PDE1B: variants seen among roughly 807,000 people sequenced by gnomAD.
PDE1B encodes the protein phosphodiesterase 1B.
In PDE1B, 13 loss-of-function variants were observed where a neutral mutation model predicts 66.7. That is an observed-to-expected ratio of 0.19 (90% CI 0.13 to 0.31). PDE1B has a LOEUF of 0.31. PDE1B is among the 10% of genes least tolerant of loss of function. PDE1B has a pLI of 1.00. For synonymous variants in PDE1B, 230 were observed against 253.9 expected (o/e 0.91, Z 0.90); for missense variants, 485 against 682.3 (o/e 0.71, Z 3.22).
intron 6 of PDE1B, chr12:54,571,876 C>T (rs1367081374): frequency 1.3e-5 from 2 of 152,246 alleles, no homozygotes; most frequent in Non-Finnish European, 2.9e-5. Flanking sequence ...TATTGCTCAT[C>T]TCTACAGAAA....
rs752780568 is a variant in PDE1B at position 54,575,078 on chromosome 12, T to C, written c.1065-20T>C. On this transcript the variant is annotated intron_variant, in intron 10 of 15. Coordinates refer to ENST00000243052, the MANE Select transcript of PDE1B (RefSeq NM_000924.4). This position sits in a 1 kb window ranked among gnomAD's most constrained non-coding sequence, Gnocchi z 4.0. ...TCCTAAAAGATCAGTCTCCCTTCCC[T>C]TGCCATCTGCCCCAACCAGGATTGA... The C allele has an allele frequency of 1.9e-6, 3 of 1,611,022 alleles. No individual in the cohort carries two copies. The highest frequency in any genetic ancestry group is 1.1e-5 in the South Asian group (1 of 90,890).
chr12:54,560,572 A>C (rs1874308), intron 2 of PDE1B, among the ~76,000 whole-genome samples: 9 of 151,930 alleles, frequency 5.9e-5, no homozygotes, highest in South Asian at 4.1e-4. Flanking sequence ...ATTGGTGGCG[A>C]CATCTCCCAG....
In PDE1B at chr12:54,549,888, C is replaced by A; in HGVS notation, c.16C>A (p.Arg6Ser). The change falls in exon 2 of 16, where the codon CGC becomes AGC. Residue 6 changes from arginine (R) to serine (S), a missense_variant. Coordinates refer to ENST00000243052, the MANE Select transcript of PDE1B (RefSeq NM_000924.4). ...GTGGCTGAGCATGGAGCTGTCCCCCCGCAGTCCTCCGGAGATGCTGGAGGA... is the reference window on the plus strand; with the variant it reads ...GTGGCTGAGCATGGAGCTGTCCCCCAGCAGTCCTCCGGAGATGCTGGAGGA... The part of the protein sequence containing the change: MELSP[R>S]SPPEMLEESD... 1.9e-6 allele frequency: 3 copies of A among 1,613,712 alleles called. No individual in the cohort carries two copies. The highest frequency in any genetic ancestry group is 2.5e-6 in the Non-Finnish European group (3 of 1,179,660).
chr12:54,577,703 C>A (rs1314993511), intron 15 of PDE1B, among the ~76,000 whole-genome samples, 157 bp from the exon 16 acceptor site: 1 of 152,216 alleles, frequency 6.6e-6, no homozygotes, highest in Admixed American at 6.5e-5. Flanking sequence ...ACTTCGACTT[C>A]AGCCCCTATT....
intron 15 of PDE1B, 104 bp from the exon 16 acceptor site, chr12:54,577,756 C>T (rs1957789260): frequency 2.1e-6 from 1 of 487,588 alleles, no homozygotes. Flanking sequence ...ATTTTTTGCA[C>T]AGCTCTACTC....
In PDE1B at chr12:54,573,271, G is replaced by C; in HGVS notation, c.836+23G>C. 1 of 1,612,510 alleles carries C rather than the reference G, an allele frequency of 6.2e-7. No homozygotes were observed. The highest frequency in any genetic ancestry group is 8.5e-7 in the Non-Finnish European group (1 of 1,178,528). ...CAAGTGAGGGGTGGGGATGTGGCAG[G>C]GGCAGGAGGGGCCAAGAGGAGGTGG... On this transcript the variant is annotated intron_variant, in intron 8 of 15. Transcript: ENST00000243052. This position sits in a 1 kb window ranked among gnomAD's most constrained non-coding sequence, Gnocchi z 5.2.
At chr12:54,553,145 G>A (rs911215143) in intron 2 of PDE1B, among the ~76,000 whole-genome samples, 1 of 140,470 alleles carries the variant, frequency 7.1e-6, no homozygotes. Flanking sequence ...AGAGGCAGGG[G>A]GCTCTGTATT....
rs552584435 is a variant in PDE1B, at chr12:54,575,825, A to C, written c.1268-167A>C. ...GCAGGAAGGAGCTCTCTGGGGCACC[A>C]AGACATCATCCCAAAGCCTGCCCTG... On this transcript the variant is annotated intron_variant, in intron 12 of 15. Coordinates refer to ENST00000243052, the MANE Select transcript of PDE1B (RefSeq NM_000924.4). The surrounding 1 kb of genome is among the most constrained non-coding windows in gnomAD (Gnocchi z 4.0). The C allele has an allele frequency of 1.2e-4, 85 of 727,520 alleles. No individual in the cohort carries two copies. Among genetic ancestry groups the C allele is most frequent in the African/African-American group, 1.0e-3 (59 of 58,006 alleles). The allele number at this position is 727,520 out of a possible 1,614,324, so 45.1% of individuals were successfully genotyped here.
At chr12:54,577,649 G>T in intron 15 of PDE1B, 1 of 1,234,256 alleles carries the variant, frequency 8.1e-7, no homozygotes, top group East Asian at 2.5e-5. Context: ...TAGGGAAAAG[G>T]AGCCCAGCCA....
intron 2 of PDE1B, among the ~76,000 whole-genome samples, chr12:54,550,889 G>A (rs1957268497): frequency 6.6e-6 from 1 of 152,170 alleles, no homozygotes; most frequent in African/African-American, 2.4e-5. Context: ...AGAGGATTGG[G>A]TCAAAGACAA....
intron 2 of PDE1B, chr12:54,561,582 C>T (rs1481246384): frequency 1.3e-6 from 2 of 1,525,360 alleles, no homozygotes; most frequent in African/African-American, 1.4e-5. Context: ...AACTTTGATT[C>T]CCATGGCAAA....
chr12:54,576,904 TAGAG>T, intron 14 of PDE1B: 1 of 623,408 alleles, frequency 1.6e-6, no homozygotes, highest in Non-Finnish European at 2.8e-6. Flanking sequence ...GTAGAGATGA[TAGAG>T]ACAGTCAGAT....
Position 54,575,820 on chromosome 12 carries a change from G to C in PDE1B, c.1268-172G>C, listed in dbSNP as rs1182699226. On this transcript the variant is annotated intron_variant, in intron 12 of 15. Transcript: ENST00000243052. The surrounding 1 kb of genome is among the most constrained non-coding windows in gnomAD (Gnocchi z 4.0). ...CAATGGCAGGAAGGAGCTCTCTGGG[G>C]CACCAAGACATCATCCCAAAGCCTG... 1 of 718,938 alleles carries C rather than the reference G, an allele frequency of 1.4e-6. No individual in the cohort carries two copies. The highest frequency in any genetic ancestry group is 1.7e-5 in the African/African-American group (1 of 57,690). The allele number at this position is 718,938 out of a possible 1,614,324, so 44.5% of individuals were successfully genotyped here.
At position 54,575,193 on chromosome 12, in the gene PDE1B, C is replaced by G. The variant is rs1957710920; in HGVS notation, c.1160C>G (p.Ala387Gly). ...QWLVHSRWTK[A>G]LMEEFFRQGD... ...TTGGTCCACAGCCGTTGGACCAAGGCCCTCATGGAGGAATTCTTCCGTCAG... is the reference window on the plus strand; with the variant it reads ...TTGGTCCACAGCCGTTGGACCAAGGGCCTCATGGAGGAATTCTTCCGTCAG... Residue 387 changes from alanine to glycine, a missense_variant, in exon 11 of 16, where the codon GCC (alanine) becomes GGC (glycine). Around this residue, in one of 4 missense-constraint regions of PDE1B, gnomAD observed 282 missense variants for 453.4 expected, o/e 0.62. Coordinates refer to ENST00000243052, the MANE Select transcript of PDE1B (RefSeq NM_000924.4). The surrounding 1 kb of genome is among the most constrained non-coding windows in gnomAD (Gnocchi z 4.0). 6.2e-7 allele frequency: 1 copy of G among 1,613,176 alleles called. No individual in the cohort carries two copies. The highest frequency in any genetic ancestry group is 1.1e-5 in the South Asian group (1 of 91,062).
In PDE1B at chr12:54,576,617, A is replaced by G. The variant is rs1161240297; in HGVS notation, c.1423A>G (p.Asn475Asp). 5 of 1,614,066 alleles carry G rather than the reference A, an allele frequency of 3.1e-6. No individual in the cohort carries two copies. The highest frequency in any genetic ancestry group is 4.2e-6 in the Non-Finnish European group (5 of 1,179,994). Residue 475 changes from asparagine to aspartate, a missense_variant, in exon 14 of 16, where the codon AAC becomes GAC. Physicochemically the swap from Asn to Asp is conservative, Grantham distance 23. Coordinates refer to ENST00000243052, the MANE Select transcript of PDE1B (RefSeq NM_000924.4). ...TCTGGATGTGGAAGTGGGAGACCCC[A>G]ACCCTGATGTGGTCAGCTTTCGTTC... is the stretch of plus-strand genomic sequence containing the variant. ...PSLDVEVGDP[N>D]PDVVSFRSTW...
intron 2 of PDE1B, 148 bp downstream of exon 2, chr12:54,550,133 C>G: frequency 6.9e-7 from 1 of 1,444,312 alleles, no homozygotes; most frequent in Non-Finnish European, 9.1e-7. Context: ...CCCTGACACG[C>G]GTGGCCAGGC....
intron 13 of PDE1B, 38 bp from the exon 14 acceptor site, chr12:54,576,533 G>A: frequency 1.2e-6 from 2 of 1,613,454 alleles, no homozygotes; most frequent in Non-Finnish European, 1.7e-6. Flanking sequence ...AGTGGGCTGG[G>A]GCTTACCTCT....
At chr12:54,576,413 A>T in intron 13 of PDE1B, 158 bp from the exon 14 acceptor site, 1 of 753,542 alleles carries the variant, frequency 1.3e-6, no homozygotes, top group South Asian at 1.9e-5. Flanking sequence ...TGAGGGGGAG[A>T]GGGACAGGGA....
chr12:54,565,013 G>A (rs1374917835), intron 2 of PDE1B, among the ~76,000 whole-genome samples: 2 of 152,216 alleles, frequency 1.3e-5, no homozygotes. Flanking sequence ...GATAATGTAG[G>A]AGAAAGCACT....
Sources: gnomAD v4.1 joint callset for allele counts (sites outside exome capture counted in the v4.1 genomes callset) on GRCh38, gnomAD v4.1.1 for gene constraint, gnomAD v4.1.1 regional missense constraint, Gnocchi (gnomAD v3.1) non-coding constraint, MANE v1.5 for transcripts, NCBI Gene and HGNC (gene_info 2026-07-23, HGNC 2026-07-21) for gene names.